Variants in ATRNL1 observed in about 807,000 individuals in gnomAD.
The protein encoded by ATRNL1 is attractin like 1, also known as attractin-like protein 1.
A neutral mutation model predicts 182.7 loss-of-function variants in ATRNL1; 95 were observed. The ratio of observed to expected loss-of-function variants is 0.52; its 90% CI spans 0.44 to 0.62. The LOEUF is 0.62. ATRNL1 is among the 20% of genes least tolerant of loss of function. The pLI is 0.00. For missense variants in ATRNL1, 1,471 were observed against 1,679.5 expected, an observed-to-expected ratio of 0.88 and a Z score of 2.17; for synonymous variants, 576 against 568.3, an observed-to-expected ratio of 1.01 and a Z score of -0.19.
chr10:115,577,918 A>C (rs1159928633), intron 26 of ATRNL1, among the ~76,000 whole-genome samples: 5 of 151,514 alleles, frequency 3.3e-5, no homozygotes, highest in Non-Finnish European at 7.4e-5. Context: ...ATGTTCAAGA[A>C]ATTTCCTTCT....
At chr10:115,558,057 C>CA (rs1403789923) in intron 26 of ATRNL1, among the ~76,000 whole-genome samples, 4 of 71,144 alleles carry the variant, frequency 5.6e-5, no homozygotes, top group South Asian at 3.9e-4. Flanking sequence ...AACAAAAAAA[C>CA]AAAAAAACAA....
intron 25 of ATRNL1, among the ~76,000 whole-genome samples, chr10:115,523,515 A>T (rs1851060439): frequency 6.6e-6 from 1 of 152,158 alleles, no homozygotes; most frequent in South Asian, 2.1e-4. Flanking sequence ...TTGATTATAC[A>T]TTCCAACTCT....
chr10:115,472,586 T>C (rs1848356547), intron 24 of ATRNL1, among the ~76,000 whole-genome samples: 1 of 151,160 alleles, frequency 6.6e-6, no homozygotes, highest in African/African-American at 2.4e-5. Context: ...TTCTTAAGTA[T>C]TTTATTCTTT....
intron 20 of ATRNL1, among the ~76,000 whole-genome samples, chr10:115,414,936 A>G (rs782738399): frequency 8.5e-5 from 13 of 152,074 alleles, no homozygotes; most frequent in Non-Finnish European, 1.3e-4. Context: ...TAGGTTAACA[A>G]ATCTATTCGG....
intron 24 of ATRNL1, among the ~76,000 whole-genome samples, chr10:115,497,975 C>G (rs1333398003): frequency 2.0e-5 from 3 of 152,106 alleles, no homozygotes; most frequent in Non-Finnish European, 2.9e-5. Flanking sequence ...TTTTAAAAAT[C>G]ATCAAAGCAT....
intron 26 of ATRNL1, among the ~76,000 whole-genome samples, chr10:115,612,236 G>A (rs1220046795): frequency 6.6e-6 from 1 of 151,484 alleles, no homozygotes; most frequent in Admixed American, 6.6e-5. Context: ...AGGGCAACAA[G>A]AGTGAAACTC....
At chr10:115,493,767 A>C (rs1341885139) in intron 24 of ATRNL1, among the ~76,000 whole-genome samples, 1 of 152,140 alleles carries the variant, frequency 6.6e-6, no homozygotes, top group Admixed American at 6.5e-5. Context: ...CTGCAACCTT[A>C]CTAGCTTCTG....
chr10:115,423,759 TA>T (rs1200139892), intron 20 of ATRNL1, among the ~76,000 whole-genome samples: 10 of 151,394 alleles, frequency 6.6e-5, no homozygotes, highest in Non-Finnish European at 1.0e-4. Context: ...TGTCACCACT[TA>T]AAAAAAAATC....
intron 27 of ATRNL1, among the ~76,000 whole-genome samples, chr10:115,730,565 A>G (rs1309062435): frequency 6.6e-6 from 1 of 152,036 alleles, no homozygotes; most frequent in Admixed American, 6.6e-5. Flanking sequence ...ATGTGTATAT[A>G]TACATATGTT....
At chr10:115,310,715 C>T (rs1853973491) in intron 17 of ATRNL1, among the ~76,000 whole-genome samples, 1 of 151,928 alleles carries the variant, frequency 6.6e-6, no homozygotes, top group Non-Finnish European at 1.5e-5. Context: ...TATTTGAATC[C>T]TCTTCTTTGT....
At chr10:115,517,783 T>C (rs1485922312) in intron 24 of ATRNL1, among the ~76,000 whole-genome samples, 2 of 151,930 alleles carry the variant, frequency 1.3e-5, no homozygotes, top group Non-Finnish European at 2.9e-5. Context: ...TCCAGAATTC[T>C]GTTACCATGG....
At chr10:115,890,200 CTG>C (rs1251457898) in intron 28 of ATRNL1, among the ~76,000 whole-genome samples, 3 of 152,310 alleles carry the variant, frequency 2.0e-5, no homozygotes, top group African/African-American at 7.2e-5. Context: ...ACCCAGCTCA[CTG>C]TGGGTGGTGG....
chr10:115,799,095 G>GATT (rs1483515458), intron 27 of ATRNL1, among the ~76,000 whole-genome samples: 1 of 152,090 alleles, frequency 6.6e-6, no homozygotes, highest in East Asian at 1.9e-4. Context: ...AAAGTACTGG[G>GATT]ATTACAGGCG....
At chr10:115,741,464 A>C (rs1447557709) in intron 27 of ATRNL1, among the ~76,000 whole-genome samples, 3 of 152,160 alleles carry the variant, frequency 2.0e-5, no homozygotes, top group Non-Finnish European at 2.9e-5. Context: ...CCCAATGAGG[A>C]AGCAGCTGTG....
At chr10:115,124,296 T>G (rs1554872684) in intron 3 of ATRNL1, among the ~76,000 whole-genome samples, 1 of 152,042 alleles carries the variant, frequency 6.6e-6, no homozygotes, top group African/African-American at 2.4e-5. Context: ...TTCACTAGAA[T>G]TATCATAGAA....
intron 24 of ATRNL1, among the ~76,000 whole-genome samples, chr10:115,486,555 G>A (rs1849037401): frequency 1.3e-5 from 2 of 152,218 alleles, no homozygotes; most frequent in Admixed American, 6.5e-5. Flanking sequence ...CTTTTGAGAA[G>A]TGTCTGTTCA....
chr10:115,348,260 A>G (rs1374341068), intron 19 of ATRNL1, among the ~76,000 whole-genome samples: 1 of 152,202 alleles, frequency 6.6e-6, no homozygotes, highest in African/African-American at 2.4e-5. Flanking sequence ...GGCATGAGGC[A>G]CCGCGCCTGG....
At chr10:115,863,224 A>C (rs188350461) in intron 28 of ATRNL1, among the ~76,000 whole-genome samples, 2,573 of 152,328 alleles carry the variant, frequency 0.017, 32 homozygotes, top group South Asian at 0.032. Context: ...GGGAGAACCC[A>C]AAATGAAATA....
intron 28 of ATRNL1, among the ~76,000 whole-genome samples, chr10:115,856,428 C>CAAAAAAAAA (rs572743389): frequency 0.042 from 939 of 22,500 alleles, 290 homozygotes; most frequent in Admixed American, 0.15. Context: ...AGCTCCATCT[C>CAAAAAAAAA]AAAAAAAAAA....
Sources: gnomAD v4.1 joint callset for allele counts (sites outside exome capture counted in the v4.1 genomes callset) on GRCh38, gnomAD v4.1.1 for gene constraint, MANE v1.5 for transcripts, NCBI Gene and HGNC (gene_info 2026-07-23, HGNC 2026-07-21) for gene names.